CNKSR3: variants seen among roughly 807,000 people sequenced by gnomAD.
CNKSR3 encodes CNKSR family member 3.
A neutral mutation model predicts 67.7 loss-of-function variants in CNKSR3; 36 were observed. The observed-to-expected ratio is 0.53, with a 90% CI of 0.41 to 0.70. The LOEUF (loss-of-function observed/expected upper bound fraction) is 0.70. Ranked by LOEUF, CNKSR3 falls within the 30% of genes least tolerant of loss-of-function variation. The pLI is 0.00. For synonymous variants in CNKSR3, 281 were observed against 271.4 expected (o/e 1.04, Z -0.35); for missense variants, 630 against 695.2 (o/e 0.91, Z 1.05).
chr6:154,475,388 G>A (rs1373302731), intron 1 of CNKSR3, among the ~76,000 whole-genome samples: 2 of 152,074 alleles, frequency 1.3e-5, no homozygotes, highest in Non-Finnish European at 2.9e-5. Context: ...GCAGGACCCA[G>A]CAATAATCCA....
In CNKSR3 at chr6:154,454,082, AACAC is replaced by A. The variant is rs368097129; in HGVS notation, c.53-3828_53-3825del. Among the ~76,000 whole-genome samples, 105 of 78,282 alleles carry A rather than the reference AACAC, an allele frequency of 1.3e-3. 1 individual carries two copies. Among genetic ancestry groups the A allele is most frequent in the Admixed American group, 7.5e-3 (51 of 6,840 alleles). The allele number at this position is 78,282 out of a possible 152,430, so 51.4% of individuals were successfully genotyped here. A position where few individuals can be genotyped will look rare whatever the true frequency, so the allele number is the denominator to read the frequency against. ...AAGGAAATCCCAAATGCAAGATGAA[AACAC>A]ACACACACACACACACACAGAGAGA... is the stretch of plus-strand genomic sequence containing the variant. On this transcript the variant is annotated intron_variant, in intron 1 of 12. Transcript: ENST00000607772.
intron 1 of CNKSR3, 114 bp from the exon 2 acceptor site, chr6:154,450,372 C>A: frequency 9.0e-7 from 1 of 1,108,648 alleles, no homozygotes; most frequent in Admixed American, 2.2e-5. Flanking sequence ...ATGCCACTAT[C>A]TGGTTATCTA....
chr6:154,485,757 C>T (rs1212723203), intron 1 of CNKSR3, among the ~76,000 whole-genome samples: 1 of 152,206 alleles, frequency 6.6e-6, no homozygotes, highest in Non-Finnish European at 1.5e-5. Context: ...ACTGAAGAAG[C>T]AACTCTGGTG....
rs778495180 is a variant in CNKSR3, at chr6:154,510,127, C to A, written c.-13G>T. ...TCACGGGTTCCATGGTAAACCGCTT[C>A]GCCTCTCGCTGGGCTGGAGAGTCGC... On this transcript the variant is annotated 5_prime_UTR_variant, in exon 1 of 13. Transcript: ENST00000607772. 3.7e-6 allele frequency: 6 copies of A among 1,614,012 alleles called. No homozygotes were observed. In the Admixed American group the frequency reaches 8.3e-5, roughly 22 times the overall value.
chr6:154,454,747 C>T (rs982831811), intron 1 of CNKSR3, among the ~76,000 whole-genome samples: 2 of 151,834 alleles, frequency 1.3e-5, no homozygotes, highest in Admixed American at 1.3e-4. Flanking sequence ...GTCTTGAACT[C>T]CTGGGCTCAA....
At chr6:154,442,981 C>T (rs1348880968) in intron 2 of CNKSR3, among the ~76,000 whole-genome samples, 1 of 152,100 alleles carries the variant, frequency 6.6e-6, no homozygotes, top group East Asian at 1.9e-4. Flanking sequence ...CCTCTTCTTC[C>T]TAGGTTCACA....
intron 10 of CNKSR3, among the ~76,000 whole-genome samples, 157 bp from the exon 11 acceptor site, chr6:154,411,299 T>C (rs1784906605): frequency 6.6e-6 from 1 of 152,176 alleles, no homozygotes; most frequent in African/African-American, 2.4e-5. Context: ...CAGTTGCCGC[T>C]CAAATACATA....
At position 154,436,006 on chromosome 6, in the gene CNKSR3, T is replaced by C. The variant is rs1369410014; in HGVS notation, c.508-2499A>G. On this transcript the variant is annotated intron_variant, in intron 4 of 12. Transcript: ENST00000607772. ...CAAGCGTGGATGCACACCTGAGAATTTGGTGTGATGGCACGCGTCAAGCGT... is the reference window on the plus strand; with the variant it reads ...CAAGCGTGGATGCACACCTGAGAATCTGGTGTGATGGCACGCGTCAAGCGT... Among the ~76,000 whole-genome samples, 3 of 152,044 alleles carry C rather than the reference T, an allele frequency of 2.0e-5. No individual in the cohort carries two copies. The East Asian group carries it at 5.8e-4, about 29-fold the overall frequency.
chr6:154,493,433 C>G (rs997845490), intron 1 of CNKSR3, among the ~76,000 whole-genome samples: 1 of 152,188 alleles, frequency 6.6e-6, no homozygotes, highest in African/African-American at 2.4e-5. Flanking sequence ...CCTCAGCTCT[C>G]AGAACAGTGC....
At chr6:154,489,654 A>G (rs1220961473) in intron 1 of CNKSR3, among the ~76,000 whole-genome samples, 1 of 152,166 alleles carries the variant, frequency 6.6e-6, no homozygotes, top group African/African-American at 2.4e-5. Flanking sequence ...TGTTGGAAAT[A>G]CTGGATTATA....
Position 154,388,951 on chromosome 6 carries a change from T to C in CNKSR3, c.*17403A>G, listed in dbSNP as rs1784578371. ...CATTTGTAAAAATTGGGTTTTTTTTTTTTTGCTATTGAGTTATGAATTCCT... is the reference window on the plus strand; with the variant it reads ...CATTTGTAAAAATTGGGTTTTTTTTCTTTTGCTATTGAGTTATGAATTCCT... On this transcript the variant is annotated 3_prime_UTR_variant, in exon 13 of 13. Transcript: ENST00000607772. 1 of 151,970 alleles carries C rather than the reference T, an allele frequency of 6.6e-6. No individual in the cohort carries two copies. The highest frequency in any genetic ancestry group is 6.6e-5 in the Admixed American group (1 of 15,240). The allele number at this position is 151,970 out of a possible 1,614,324, so 9.4% of individuals were successfully genotyped here.
At chr6:154,472,514 T>A (rs1367745283) in intron 1 of CNKSR3, among the ~76,000 whole-genome samples, 1 of 152,112 alleles carries the variant, frequency 6.6e-6, no homozygotes, top group African/African-American at 2.4e-5. Flanking sequence ...TTATTTCGTA[T>A]CTCGGGATAC....
chr6:154,471,064 G>C (rs571508158), intron 1 of CNKSR3, among the ~76,000 whole-genome samples: 1 of 152,054 alleles, frequency 6.6e-6, no homozygotes, highest in East Asian at 1.9e-4. Context: ...CTAAATACCA[G>C]ACAGTGGAAG....
intron 12 of CNKSR3, 55 bp from the exon 13 acceptor site, chr6:154,406,707 CACCTGTAATCT>C (rs1196670379): frequency 1.5e-5 from 23 of 1,484,066 alleles, no homozygotes; most frequent in Non-Finnish European, 2.1e-5. Context: ...TGGTGGCTCA[CACCTGTAATCT>C]CCGCACTTTG....
intron 9 of CNKSR3, among the ~76,000 whole-genome samples, chr6:154,414,933 G>A (rs962293741): frequency 6.6e-6 from 1 of 151,076 alleles, no homozygotes; most frequent in Non-Finnish European, 1.5e-5. Context: ...CAGTCCCTAC[G>A]AAAAAAATAT....
At chr6:154,493,319 C>T (rs938241328) in intron 1 of CNKSR3, among the ~76,000 whole-genome samples, 1 of 152,228 alleles carries the variant, frequency 6.6e-6, no homozygotes, top group Admixed American at 6.5e-5. Flanking sequence ...CTAATGACCT[C>T]TATCACATTC....
intron 2 of CNKSR3, among the ~76,000 whole-genome samples, chr6:154,444,624 T>G (rs1970339): frequency 0.17 from 24,046 of 144,904 alleles, 1,303 homozygotes; most frequent in Admixed American, 0.26. Flanking sequence ...TTTTTTTTTT[T>G]GAAACGGAGT....
At position 154,418,444 on chromosome 6, in the gene CNKSR3, G is replaced by A. The variant is rs376168359; in HGVS notation, c.946-4021C>T. Among the ~76,000 whole-genome samples the A allele has an allele frequency of 3.3e-5, 5 of 152,306 alleles. 1 individual carries two copies. The East Asian group carries it at 9.6e-4, about 29-fold the overall frequency. ...TGTTTTGTGGGCGAGTGTGTTTGAAGAATAGCATTCATCTCCTCTACCATA... is the reference window on the plus strand; with the variant it reads ...TGTTTTGTGGGCGAGTGTGTTTGAAAAATAGCATTCATCTCCTCTACCATA... On this transcript the variant is annotated intron_variant, in intron 9 of 12. Transcript: ENST00000607772.
chr6:154,499,284 G>A (rs927521115), intron 1 of CNKSR3, among the ~76,000 whole-genome samples: 2 of 152,208 alleles, frequency 1.3e-5, no homozygotes, highest in Admixed American at 6.5e-5. Flanking sequence ...CAGGCATTAT[G>A]AGGAAGAGTC....
Sources: allele counts gnomAD v4.1 joint callset (sites outside exome capture counted in the v4.1 genomes callset), GRCh38; gene constraint gnomAD v4.1.1; transcripts MANE v1.5; gene names NCBI Gene and HGNC (gene_info 2026-07-23, HGNC 2026-07-21).